FLNB: variants seen among roughly 807,000 people sequenced by gnomAD.
FLNB encodes the protein filamin B.
A neutral mutation model predicts 250.6 loss-of-function variants in FLNB; 111 were observed. The ratio of observed to expected loss-of-function variants is 0.44; its 90% CI spans 0.38 to 0.52. The LOEUF is 0.52. Ranked by LOEUF, FLNB falls within the 20% of genes least tolerant of loss-of-function variation. FLNB has a pLI of 0.00. For synonymous variants in FLNB, 1,302 were observed against 1,372.1 expected (o/e 0.95, Z 1.13); for missense variants, 2,869 against 3,447.8 (o/e 0.83, Z 4.20).
At position 58,136,120 on chromosome 3, in the gene FLNB, C is replaced by T. The variant is rs745461413; in HGVS notation, c.4813C>T (p.Arg1605Cys). Reference protein sequence around the residue: ...GGDDIPLSPYRIRATQTGDAS... With the variant: ...GGDDIPLSPYCIRATQTGDAS... ...TGACGACATCCCACTTTCTCCTTAT[C>T]GCATCCGAGCCACACAGACGGGTGA... is the stretch of plus-strand genomic sequence containing the variant. The change falls in exon 28 of 46, where the codon CGC (arginine) becomes TGC (cysteine). Residue 1605 changes from arginine (R) to cysteine (C), a missense_variant. Transcript: ENST00000295956. 2.6e-5 allele frequency: 42 copies of T among 1,614,066 alleles called. No individual in the cohort carries two copies. The highest frequency in any genetic ancestry group is 1.3e-4 in the African/African-American group (10 of 74,936).
At chr3:58,111,944 C>G in intron 17 of FLNB, 63 bp downstream of exon 17, 1 of 1,379,220 alleles carries the variant, frequency 7.3e-7, no homozygotes, top group Non-Finnish European at 1.0e-6. Context: ...GGGCGTGTTT[C>G]ATCCACGGCC....
intron 1 of FLNB, among the ~76,000 whole-genome samples, chr3:58,041,231 G>C (rs181588910): frequency 6.6e-6 from 1 of 152,162 alleles, no homozygotes; most frequent in African/African-American, 2.4e-5. Flanking sequence ...TTTGCTTTCA[G>C]TATCACTTTA....
intron 19 of FLNB, among the ~76,000 whole-genome samples, chr3:58,119,534 G>A (rs150307105): frequency 3.9e-5 from 6 of 152,146 alleles, no homozygotes; most frequent in Non-Finnish European, 8.8e-5. Context: ...AGCTCATTTC[G>A]CTTATTTTCA....
At position 58,145,954 on chromosome 3, in the gene FLNB, A is replaced by G; in HGVS notation, c.5459A>G (p.Asn1820Ser). 1.2e-6 allele frequency: 2 copies of G among 1,614,190 alleles called. No homozygotes were observed. The highest frequency in any genetic ancestry group is 4.5e-5 in the East Asian group (2 of 44,890). ...CTCCAGTTCTACGTGAACTACCCCA[A>G]CAGTGGAAGTGTTTCTGCATACGGT... ...SPLQFYVNYP[N>S]SGSVSAYGPG... The change falls in exon 33 of 46, where the codon AAC becomes AGC. Residue 1820 changes from asparagine to serine, a missense_variant. This residue lies in a region of FLNB where 1,084 missense variants were observed against 1,315.5 expected (regional missense o/e 0.82). Coordinates refer to ENST00000295956, the MANE Select transcript of FLNB (RefSeq NM_001457.4).
At chr3:58,137,958 A>T (rs2097319412) in intron 28 of FLNB, among the ~76,000 whole-genome samples, 1 of 152,112 alleles carries the variant, frequency 6.6e-6, no homozygotes, top group Non-Finnish European at 1.5e-5. Context: ...GCCCACCTTT[A>T]TGTGTACCTG....
intron 18 of FLNB, among the ~76,000 whole-genome samples, chr3:58,113,118 C>T (rs895283548): frequency 1.3e-5 from 2 of 152,184 alleles, no homozygotes; most frequent in Non-Finnish European, 2.9e-5. Context: ...TTCATTATGT[C>T]GTGCACCCAT....
intron 28 of FLNB, 22 bp downstream of exon 28, chr3:58,136,190 G>A: frequency 6.2e-7 from 1 of 1,613,370 alleles, no homozygotes; most frequent in Non-Finnish European, 8.5e-7. Flanking sequence ...GCATCTCAAG[G>A]TCAGGGGCAC....
intron 1 of FLNB, among the ~76,000 whole-genome samples, chr3:58,063,695 C>T (rs995423587): frequency 6.6e-6 from 1 of 152,144 alleles, no homozygotes; most frequent in African/African-American, 2.4e-5. Context: ...TTTATGACTT[C>T]ACAATCTTTG....
intron 38 of FLNB, among the ~76,000 whole-genome samples, chr3:58,152,451 C>T (rs751638793): frequency 4.6e-5 from 7 of 152,214 alleles, no homozygotes; most frequent in Non-Finnish European, 8.8e-5. Context: ...AAACCGACAG[C>T]GTCCCCTTGT....
At chr3:58,057,947 C>T (rs749923033) in intron 1 of FLNB, among the ~76,000 whole-genome samples, 6 of 152,054 alleles carry the variant, frequency 3.9e-5, no homozygotes, top group South Asian at 2.1e-4. Context: ...TGCGCCACCA[C>T]GCCGGGCTAA....
At chr3:58,135,743 C>G (rs1464107085) in intron 27 of FLNB, among the ~76,000 whole-genome samples, 1 of 152,178 alleles carries the variant, frequency 6.6e-6, no homozygotes, top group African/African-American at 2.4e-5. Context: ...AGCTAAAACA[C>G]TCTTGGTTCA....
In FLNB at chr3:58,008,918, C is replaced by A; in HGVS notation, c.292+62C>A. ...TGCCGACCCGCCCCCGCGCGTGCAC[C>A]CCTGCGGAGGGCGAGGATTTCCCGC... On this transcript the variant is annotated intron_variant, in intron 1 of 45. Transcript: ENST00000295956. The A allele has an allele frequency of 2.5e-6, 4 of 1,591,858 alleles. No homozygotes were observed. The South Asian group carries it at 3.3e-5, about 13-fold the overall frequency.
At chr3:58,157,414 C>A (rs1212663500) in intron 41 of FLNB, among the ~76,000 whole-genome samples, 3 of 152,190 alleles carry the variant, frequency 2.0e-5, no homozygotes, top group Non-Finnish European at 4.4e-5. Flanking sequence ...AGATTCTAAT[C>A]TTACTCTGAG....
At chr3:58,021,779 TTTTG>T (rs145191158) in intron 1 of FLNB, among the ~76,000 whole-genome samples, 23,586 of 151,702 alleles carry the variant, frequency 0.16, 2,694 homozygotes, top group East Asian at 0.48. Context: ...GTTTTTTTGT[TTTTG>T]TTTTTTTTGG....
At chr3:58,126,806 G>A in intron 24 of FLNB, 44 bp downstream of exon 24, 2 of 1,583,388 alleles carry the variant, frequency 1.3e-6, no homozygotes, top group Non-Finnish European at 1.7e-6. Flanking sequence ...AATTGATTTT[G>A]CAGGAAAATG....
intron 18 of FLNB, among the ~76,000 whole-genome samples, chr3:58,115,743 C>T (rs535388274): frequency 2.1e-3 from 314 of 151,864 alleles, no homozygotes; most frequent in Non-Finnish European, 3.2e-3. Flanking sequence ...TGGTGGCGGT[C>T]GTTGCCACCA....
At chr3:58,135,447 G>A (rs556095040) in intron 27 of FLNB, among the ~76,000 whole-genome samples, 71 of 152,296 alleles carry the variant, frequency 4.7e-4, no homozygotes, top group Middle Eastern at 6.8e-3. Context: ...GCCAGAAGGA[G>A]GAAGAAAGAA....
chr3:58,109,845 T>C lies in FLNB; in HGVS notation c.2323+146T>C, dbSNP rs2097265556. 5 of 1,390,878 alleles carry C rather than the reference T, an allele frequency of 3.6e-6. No individual in the cohort carries two copies. In the African/African-American group the frequency reaches 5.7e-5, roughly 16 times the overall value. 86.2% of individuals were successfully genotyped at this position (1,390,878 alleles called of 1,614,324 possible). ...GAGCCTCTGAGTCATTCCTTAGTGATATCTTTGCTAATCCATCATCCCTTT... is the reference window on the plus strand; with the variant it reads ...GAGCCTCTGAGTCATTCCTTAGTGACATCTTTGCTAATCCATCATCCCTTT... On this transcript the variant is annotated intron_variant, in intron 15 of 45. Transcript: ENST00000295956.
rs1222886281 is a variant in FLNB, at chr3:58,172,159, G to A, written c.*1397G>A. 1 of 152,672 alleles carries A rather than the reference G, an allele frequency of 6.5e-6. No homozygotes were observed. Among genetic ancestry groups the A allele is most frequent in the African/African-American group, 2.4e-5 (1 of 41,452 alleles). 9.5% of individuals were successfully genotyped at this position (152,672 alleles called of 1,614,324 possible). ...AGCCTGATGTGAAAGGACCACGGGT[G>A]TTGTAAGCTGGGACACGGAAGCCAA... is the stretch of plus-strand genomic sequence containing the variant. On this transcript the variant is annotated 3_prime_UTR_variant, in exon 46 of 46. Transcript: ENST00000295956.
Sources: gnomAD v4.1 joint callset for allele counts (sites outside exome capture counted in the v4.1 genomes callset) on GRCh38, gnomAD v4.1.1 for gene constraint, gnomAD v4.1.1 regional missense constraint, MANE v1.5 for transcripts, NCBI Gene and HGNC (gene_info 2026-07-23, HGNC 2026-07-21) for gene names.